The following TGFBR3 variants were observed in gnomAD, a reference collection of about 807,000 sequenced individuals.
TGFBR3 encodes transforming growth factor beta receptor 3, also known as transforming growth factor beta receptor type 3.
In TGFBR3, 46 loss-of-function variants were observed where a neutral mutation model predicts 87.9. That is an observed-to-expected ratio of 0.52 (90% CI 0.41 to 0.67). The LOEUF is 0.67. Ranked by LOEUF, TGFBR3 falls within the 30% of genes least tolerant of loss-of-function variation. The pLI is 0.00. For synonymous variants in TGFBR3, 381 were observed against 391.6 expected (o/e 0.97, Z 0.32); for missense variants, 866 against 1,041.9 (o/e 0.83, Z 2.32).
At chr1:91,770,642 T>G (rs762461789) in intron 3 of TGFBR3, among the ~76,000 whole-genome samples, 5 of 152,178 alleles carry the variant, frequency 3.3e-5, no homozygotes, top group Admixed American at 6.5e-5. Flanking sequence ...TCTTACAATA[T>G]CCTCAAAAAT....
At chr1:91,822,315 AAAAAAAAAG>A (rs1184675398) in intron 2 of TGFBR3, among the ~76,000 whole-genome samples, 4 of 151,426 alleles carry the variant, frequency 2.6e-5, no homozygotes, top group Non-Finnish European at 4.4e-5. Context: ...AAAAAAAAAA[AAAAAAAAAG>A]ATGAATCTTA....
chr1:91,782,483 A>C (rs897872943), intron 3 of TGFBR3, among the ~76,000 whole-genome samples: 1 of 152,162 alleles, frequency 6.6e-6, no homozygotes, highest in African/African-American at 2.4e-5. Flanking sequence ...TTACCTTCAG[A>C]AACTGCTGCC....
intron 1 of TGFBR3, among the ~76,000 whole-genome samples, chr1:91,875,794 G>GT (rs1406619122): frequency 2.0e-5 from 1 of 51,026 alleles, no homozygotes; most frequent in Non-Finnish European, 4.4e-5. Flanking sequence ...CGGGGGGGGG[G>GT]GGTGGGAGTG....
chr1:91,706,958 T>C (rs1671818955), intron 14 of TGFBR3, among the ~76,000 whole-genome samples: 1 of 152,184 alleles, frequency 6.6e-6, no homozygotes, highest in Non-Finnish European at 1.5e-5. Context: ...TTTCAAATGG[T>C]TGAAAACCAA....
intron 1 of TGFBR3, chr1:91,861,985 A>G (rs1360657746): frequency 1.3e-5 from 3 of 230,428 alleles, no homozygotes; most frequent in African/African-American, 2.4e-5. Context: ...CCTCCCAAGT[A>G]GCTGGGATTA....
rs548817544 is a variant in TGFBR3 at position 91,786,472 on chromosome 1, C to G, written c.246+10815G>C. On this transcript the variant is annotated intron_variant, in intron 3 of 16. Transcript: ENST00000212355. ...TAGGGTTTAAAGAGAATGGGCAGGC[C>G]AGGTGTGGTGGCTCACACCTCTAAT... Among the ~76,000 whole-genome samples the G allele has an allele frequency of 3.9e-5, 6 of 152,226 alleles. No homozygotes were observed. In the South Asian group the frequency reaches 1.2e-3, roughly 32 times the overall value.
chr1:91,708,464 A>T (rs1671869278), intron 14 of TGFBR3, among the ~76,000 whole-genome samples, 199 bp downstream of exon 14: 1 of 152,222 alleles, frequency 6.6e-6, no homozygotes, highest in African/African-American at 2.4e-5. Context: ...TTTCAAATAG[A>T]TTACTTACAA....
At chr1:91,809,016 C>A (rs1021676244) in intron 2 of TGFBR3, among the ~76,000 whole-genome samples, 1 of 152,202 alleles carries the variant, frequency 6.6e-6, no homozygotes, top group Non-Finnish European at 1.5e-5. Context: ...GGATAGTACA[C>A]TTCTTTATTA....
At chr1:91,844,251 AC>A (rs1233814448) in intron 2 of TGFBR3, among the ~76,000 whole-genome samples, 1 of 152,162 alleles carries the variant, frequency 6.6e-6, no homozygotes, top group Non-Finnish European at 1.5e-5. Context: ...TTAGTTACAC[AC>A]CCCTGAGCTC....
Position 91,734,339 on chromosome 1 carries a change from C to G in TGFBR3, c.568+437G>C, listed in dbSNP as rs11466580. Among the ~76,000 whole-genome samples the G allele has an allele frequency of 1.2e-3, 183 of 152,234 alleles. 1 individual carries two copies. Among genetic ancestry groups the G allele is most frequent in the African/African-American group, 4.2e-3 (175 of 41,506 alleles). On this transcript the variant is annotated intron_variant, in intron 5 of 16. Coordinates refer to ENST00000212355, the MANE Select transcript of TGFBR3 (RefSeq NM_003243.5). ...CAAAATGTAACCTATGTCTCAGCAC[C>G]ACAAACTGACACAGGCTTCAAACGT...
chr1:91,847,603 C>CAAA (rs57534144), intron 2 of TGFBR3, among the ~76,000 whole-genome samples: 2 of 88,276 alleles, frequency 2.3e-5, no homozygotes, highest in African/African-American at 4.2e-5. Flanking sequence ...AACTCCATCT[C>CAAA]AAAAAAAAAA....
Position 91,810,760 on chromosome 1 carries a change from T to C in TGFBR3, c.62-13289A>G, listed in dbSNP as rs17880723. On this transcript the variant is annotated intron_variant, in intron 2 of 16. Transcript: ENST00000212355. ...CATTCCCTGCCTCTGTTTCTTTATC[T>C]ATACAATGGGGATAATAACAGGATC... Among the ~76,000 whole-genome samples the C allele has an allele frequency of 4.2e-3, 633 of 152,352 alleles. 4 individuals are homozygous for C. Among genetic ancestry groups the C allele is most frequent in the African/African-American group, 0.015 (614 of 41,584 alleles).
intron 1 of TGFBR3, among the ~76,000 whole-genome samples, chr1:91,873,599 C>T (rs890183874): frequency 3.3e-5 from 5 of 151,974 alleles, no homozygotes; most frequent in Non-Finnish European, 4.4e-5. Flanking sequence ...ACACGCCTGG[C>T]CCAATTTTCC....
At chr1:91,689,645 T>C (rs1422456119) in intron 16 of TGFBR3, among the ~76,000 whole-genome samples, 1 of 152,036 alleles carries the variant, frequency 6.6e-6, no homozygotes, top group Non-Finnish European at 1.5e-5. Context: ...TACGTGACCT[T>C]TGAATTTGTA....
At chr1:91,712,633 G>T in intron 12 of TGFBR3, 91 bp from the exon 13 acceptor site, 2 of 1,137,960 alleles carry the variant, frequency 1.8e-6, no homozygotes, top group Non-Finnish European at 2.6e-6. Flanking sequence ...CAGCCCTTCA[G>T]ATGACACGCT....
At chr1:91,865,641 G>A (rs1247108620) in intron 1 of TGFBR3, among the ~76,000 whole-genome samples, 2 of 152,070 alleles carry the variant, frequency 1.3e-5, no homozygotes, top group Admixed American at 6.6e-5. Flanking sequence ...GGCCGGGCGC[G>A]GTGGCTCACG....
chr1:91,683,895 C>A, intron 16 of TGFBR3, 38 bp from the exon 17 acceptor site: 1 of 1,520,876 alleles, frequency 6.6e-7, no homozygotes, highest in Non-Finnish European at 9.0e-7. Flanking sequence ...CAGAGAAAGA[C>A]GCATATTATG....
At chr1:91,811,121 G>A (rs1336019852) in intron 2 of TGFBR3, among the ~76,000 whole-genome samples, 2 of 152,098 alleles carry the variant, frequency 1.3e-5, no homozygotes, top group Non-Finnish European at 2.9e-5. Context: ...GACCAGCCTG[G>A]GCAAGAGAGT....
chr1:91,859,009 G>A lies in TGFBR3; in HGVS notation c.61+2462C>T, dbSNP rs947987146. On this transcript the variant is annotated intron_variant, in intron 2 of 16. Transcript: ENST00000212355. Reference sequence around the variant, plus strand: ...GGCAGAGGTTGCAGTGAGCCGAGATGGCACCACTGCACTCCAGCCTGGGTG... The same window carrying A: ...GGCAGAGGTTGCAGTGAGCCGAGATAGCACCACTGCACTCCAGCCTGGGTG... Among the ~76,000 whole-genome samples, 74 of 151,210 alleles carry A rather than the reference G, an allele frequency of 4.9e-4. 1 individual carries two copies. Among genetic ancestry groups the A allele is most frequent in the Admixed American group, 1.2e-3 (18 of 15,194 alleles).
Sources: gnomAD v4.1 joint callset for allele counts (sites outside exome capture counted in the v4.1 genomes callset) on GRCh38, gnomAD v4.1.1 for gene constraint, MANE v1.5 for transcripts, NCBI Gene and HGNC (gene_info 2026-07-23, HGNC 2026-07-21) for gene names.